MROH7: variants seen among roughly 807,000 people sequenced by gnomAD.
MROH7 encodes maestro heat like repeat family member 7.
MROH7 carries 113 observed loss-of-function variants against 129.2 expected under a neutral mutation model. The observed-to-expected ratio is 0.87, with a 90% CI of 0.75 to 1.02. The LOEUF (loss-of-function observed/expected upper bound fraction) is 1.02. MROH7 is among the 50% of genes least tolerant of loss of function. The probability of loss-of-function intolerance (pLI) is 0.00; values close to 1 mark genes in which losing one functional copy is unlikely to be tolerated. For missense variants in MROH7, 1,601 were observed against 1,671.3 expected (o/e 0.96, Z 0.73); for synonymous variants, 655 against 667.9 (o/e 0.98, Z 0.30).
At chr1:54,707,616 G>A (rs1347634410) in intron 22 of MROH7, among the ~76,000 whole-genome samples, 1 of 152,178 alleles carries the variant, frequency 6.6e-6, no homozygotes, top group Non-Finnish European at 1.5e-5. Flanking sequence ...CCTACGTGCT[G>A]ATTTCTTTAA....
At chr1:54,709,141 G>T in intron 23 of MROH7, 65 bp downstream of exon 23, 1 of 1,477,922 alleles carries the variant, frequency 6.8e-7, no homozygotes, top group South Asian at 1.1e-5. Context: ...AATCACAGTG[G>T]GTAACAGGGA....
chr1:54,709,116 T>C (rs750120713), intron 23 of MROH7, 40 bp downstream of exon 23: 15 of 1,582,720 alleles, frequency 9.5e-6, no homozygotes, highest in Non-Finnish European at 8.7e-7. Context: ...CAGGGGACAG[T>C]GAGACAGTGA....
rs1644880972 is a variant in MROH7 at position 54,670,534 on chromosome 1, G to C, written c.1427G>C (p.Ser476Thr). ...GAGGAGCCACTGGATTCTCTCTCAA[G>C]CTCCGTCCGCAAGCAGGCCATGGAG... ...IQEEPLDSLS[S>T]SVRKQAMEIL... The change falls in exon 6 of 24, where the codon AGC becomes ACC. Residue 476 changes from serine (S) to threonine (T), a missense_variant. Transcript: ENST00000421030. 1 of 1,613,752 alleles carries C rather than the reference G, an allele frequency of 6.2e-7. No individual in the cohort carries two copies. The highest frequency in any genetic ancestry group is 1.3e-5 in the African/African-American group (1 of 74,888).
At chr1:54,648,669 A>T (rs61768765) in intron 1 of MROH7, among the ~76,000 whole-genome samples, 24,976 of 151,560 alleles carry the variant, frequency 0.16, 2,533 homozygotes, top group Middle Eastern at 0.23. Flanking sequence ...CCTGGTCTGC[A>T]TGCAATTTTG....
Position 54,641,887 on chromosome 1 carries a change from C to G in MROH7, c.-191C>G, listed in dbSNP as rs1364190198. ...CACTTCTGGGTACAAGTCTCCTGCT[C>G]TGGCTGTATTCCACAGTTAGAACTT... is the stretch of plus-strand genomic sequence containing the variant. On this transcript the variant is annotated 5_prime_UTR_variant, in exon 1 of 24. Transcript: ENST00000421030. 2 of 152,302 alleles carry G rather than the reference C, an allele frequency of 1.3e-5. No homozygotes were observed. Among genetic ancestry groups the G allele is most frequent in the Non-Finnish European group, 2.9e-5 (2 of 68,088 alleles). 9.4% of individuals were successfully genotyped at this position (152,302 alleles called of 1,614,324 possible). A position where few individuals can be genotyped will look rare whatever the true frequency, so the allele number is the denominator to read the frequency against.
chr1:54,670,680 C>G, intron 6 of MROH7, 104 bp downstream of exon 6: 1 of 1,358,124 alleles, frequency 7.4e-7, no homozygotes, highest in Non-Finnish European at 1.0e-6. Flanking sequence ...CGCCCCCACC[C>G]CTCGCCCGGT....
chr1:54,687,104 C>T (rs28572476), intron 15 of MROH7, among the ~76,000 whole-genome samples: 2,845 of 151,616 alleles, frequency 0.019, 99 homozygotes, highest in African/African-American at 0.066. Context: ...GATGGAGTCT[C>T]GCTCTGTCGC....
intron 15 of MROH7, 63 bp downstream of exon 15, chr1:54,686,511 A>G: frequency 6.8e-7 from 1 of 1,474,344 alleles, no homozygotes; most frequent in Non-Finnish European, 9.3e-7. Flanking sequence ...ATCCAGTCAG[A>G]GCCTCCAAAA....
At chr1:54,700,992 T>C in intron 18 of MROH7, 151 bp from the exon 19 acceptor site, 1 of 796,638 alleles carries the variant, frequency 1.3e-6, no homozygotes, top group Admixed American at 2.6e-5. Context: ...AGAGGTTGGG[T>C]GAGGGTATTC....
At position 54,679,315 on chromosome 1, in the gene MROH7, C is replaced by T. The variant is rs557365728; in HGVS notation, c.2102C>T (p.Ala701Val). 248 of 1,614,038 alleles carry T rather than the reference C, an allele frequency of 1.5e-4. 1 individual carries two copies. The highest frequency in any genetic ancestry group is 2.0e-4 in the Non-Finnish European group (237 of 1,180,042). The change falls in exon 12 of 24, where the codon GCC becomes GTC. Residue 701 changes from alanine to valine, a missense_variant. Ala to Val is a moderately conservative substitution (Grantham distance 64). Transcript: ENST00000421030. The stretch of plus-strand genomic sequence containing the variant: ...CAGATAAAGGACCTGCTGCTGGCCG[C>T]CCTGGAAGGGCTGAAAGGCAGCTCA... ...PQQIKDLLLA[A>V]LEGLKGSSEA... is the part of the protein sequence containing the mutation.
chr1:54,708,970 G>A (rs200970659), intron 22 of MROH7, 44 bp from the exon 23 acceptor site: 26 of 1,595,266 alleles, frequency 1.6e-5, no homozygotes, highest in East Asian at 2.2e-5. Flanking sequence ...GGGTGGGGTC[G>A]ACGTCGGAAG....
intron 15 of MROH7, among the ~76,000 whole-genome samples, chr1:54,691,781 G>A (rs1259276849): frequency 7.0e-6 from 1 of 143,586 alleles, no homozygotes; most frequent in East Asian, 2.3e-4. Context: ...ACTCCAGCCT[G>A]GCGACAAAAA....
chr1:54,697,757 G>T, intron 17 of MROH7: 1 of 686,418 alleles, frequency 1.5e-6, no homozygotes, highest in Non-Finnish European at 2.7e-6. Context: ...GAACAGGCCT[G>T]CCTGACACGG....
In MROH7 at chr1:54,693,107, G is replaced by C. The variant is rs944761178; in HGVS notation, c.2849+546G>C. 6.6e-5 allele frequency among the ~76,000 whole-genome samples: 10 copies of C among 152,196 alleles called. 1 individual carries two copies. Among genetic ancestry groups the C allele is most frequent in the Admixed American group, 6.5e-4 (10 of 15,286 alleles). On this transcript the variant is annotated intron_variant, in intron 16 of 23. Transcript: ENST00000421030. ...AGTGCTTTGGGTGTTTGAGGCGGGTGGATCATCTGAGGTTAGGAGTTCAAG... is the reference window on the plus strand; with the variant it reads ...AGTGCTTTGGGTGTTTGAGGCGGGTCGATCATCTGAGGTTAGGAGTTCAAG...
intron 21 of MROH7, among the ~76,000 whole-genome samples, chr1:54,705,377 T>C (rs1286300156): frequency 1.3e-5 from 2 of 152,308 alleles, no homozygotes; most frequent in Admixed American, 6.5e-5. Context: ...GACTCTTAGC[T>C]GAGTGAAATG....
rs199630211 is a variant in MROH7 at position 54,674,016 on chromosome 1, A to C, written c.1801A>C (p.Met601Leu). The C allele has an allele frequency of 1.9e-6, 3 of 1,613,644 alleles. No individual in the cohort carries two copies. The highest frequency in any genetic ancestry group is 2.5e-6 in the Non-Finnish European group (3 of 1,179,854). The part of the protein sequence containing the change: ...NHMLLTLPFF[M>L]PLGFPALGLL... Reference sequence around the variant, plus strand: ...ATCCCTAAGATTGCAATACAAACAGATGCCCTTGGGGTTCCCGGCGCTGGG... The same window carrying C: ...ATCCCTAAGATTGCAATACAAACAGCTGCCCTTGGGGTTCCCGGCGCTGGG... The change falls in exon 10 of 24, where the codon ATG becomes CTG. Residue 601 changes from methionine to leucine, a missense_variant and splice_region_variant. Transcript: ENST00000421030.
intron 1 of MROH7, among the ~76,000 whole-genome samples, chr1:54,648,771 C>T (rs190980121): frequency 4.6e-5 from 7 of 152,244 alleles, no homozygotes; most frequent in Non-Finnish European, 1.0e-4. Flanking sequence ...TTCCAAGATC[C>T]AGCCTCAAAA....
At chr1:54,668,760 G>A (rs899138119) in intron 4 of MROH7, 94 bp from the exon 5 acceptor site, 7 of 822,186 alleles carry the variant, frequency 8.5e-6, no homozygotes, top group Non-Finnish European at 1.0e-5. Flanking sequence ...TTGCCTGTAG[G>A]TGTCGGGTGG....
Position 54,672,471 on chromosome 1 carries a change from A to G in MROH7, c.1600-620A>G, listed in dbSNP as rs140894203. Among the ~76,000 whole-genome samples the G allele has an allele frequency of 7.1e-3, 1,082 of 152,172 alleles. 3 individuals carry two copies. Among genetic ancestry groups the G allele is most frequent in the Non-Finnish European group, 0.011 (772 of 67,976 alleles). On this transcript the variant is annotated intron_variant, in intron 7 of 23. Transcript: ENST00000421030. The stretch of plus-strand genomic sequence containing the variant: ...GTGTACATGTAATGCTGGTAACCAT[A>G]AGACAATTCTGGGATGGTGGTGTGG...
Sources: allele counts gnomAD v4.1 joint callset (sites outside exome capture counted in the v4.1 genomes callset), GRCh38; gene constraint gnomAD v4.1.1; transcripts MANE v1.5; gene names NCBI Gene and HGNC (gene_info 2026-07-23, HGNC 2026-07-21).